CCDC144A: variants seen among roughly 807,000 people sequenced by gnomAD.
The protein encoded by CCDC144A is coiled-coil domain-containing protein 144A.
CCDC144A carries 41 observed loss-of-function variants against 143.8 expected under a neutral mutation model. The ratio of observed to expected loss-of-function variants is 0.29; its 90% CI spans 0.22 to 0.37. The LOEUF is 0.37. Among genes scored for constraint, CCDC144A ranks in the 10% least tolerant of loss-of-function variants. The pLI is 1.00. For missense variants in CCDC144A, 637 were observed against 1,488.8 expected (o/e 0.43, Z 9.41); for synonymous variants, 242 against 517.9 (o/e 0.47, Z 7.23).
At chr17:16,696,677 G>A (rs1484541457) in intron 2 of CCDC144A, among the ~76,000 whole-genome samples, 2 of 151,510 alleles carry the variant, frequency 1.3e-5, no homozygotes, top group East Asian at 3.9e-4. Flanking sequence ...AAAGAAATGA[G>A]TAGAACTTTT....
upstream of CCDC144A, among the ~76,000 whole-genome samples, chr17:16,689,010 A>G (rs1158848972): frequency 1.3e-5 from 2 of 152,138 alleles, no homozygotes; most frequent in African/African-American, 4.8e-5. Context: ...TGAGCAGCGC[A>G]GGATCTAGGC....
At chr17:16,759,687 C>T (rs1204419106) in intron 12 of CCDC144A, among the ~76,000 whole-genome samples, 1 of 152,108 alleles carries the variant, frequency 6.6e-6, no homozygotes, top group East Asian at 1.9e-4. Context: ...TGTTTTTGTG[C>T]TTATTCTTCT....
the CCDC144A span, among the ~76,000 whole-genome samples, chr17:16,668,933 C>G: frequency 2.6e-5 from 4 of 152,240 alleles, no homozygotes; most frequent in East Asian, 5.8e-4. Flanking sequence ...GGCCCTATTT[C>G]CAAATCCCAT....
At chr17:16,706,433 G>GT (rs1912064437) in intron 3 of CCDC144A, 1 of 142,670 alleles carries the variant, frequency 7.0e-6, no homozygotes, top group Admixed American at 6.9e-5. Context: ...CCTTTCCCCT[G>GT]TGTGCCCTTT....
intron 8 of CCDC144A, among the ~76,000 whole-genome samples, chr17:16,724,787 A>ATTTTTTTTTTTTTTTT (rs760344292): frequency 5.7e-5 from 2 of 35,112 alleles, no homozygotes; most frequent in African/African-American, 1.1e-4. Flanking sequence ...GATTAACTGA[A>ATTTTTTTTTTTTTTTT]TTTTTTTTTT....
At chr17:16,717,233 G>T (rs922878639) in intron 6 of CCDC144A, among the ~76,000 whole-genome samples, 9 of 151,058 alleles carry the variant, frequency 6.0e-5, no homozygotes, top group African/African-American at 2.2e-4. Flanking sequence ...TTCTGCCTCA[G>T]CCTCCCGAAT....
chr17:16,720,482 G>A (rs2656471), intron 7 of CCDC144A, 35 bp from the exon 8 acceptor site: 45 of 1,598,800 alleles, frequency 2.8e-5, no homozygotes, highest in African/African-American at 1.3e-4. Flanking sequence ...TAAATCTTTC[G>A]AGGACATTTT....
At chr17:16,731,061 ATCTC>A (rs1049676075) in intron 9 of CCDC144A, among the ~76,000 whole-genome samples, 17 of 151,944 alleles carry the variant, frequency 1.1e-4, no homozygotes, top group Admixed American at 1.1e-3. Flanking sequence ...TTTATTCCAT[ATCTC>A]TCATATGCAG....
chr17:16,715,757 G>A (rs1460308638), intron 6 of CCDC144A, among the ~76,000 whole-genome samples: 1 of 152,188 alleles, frequency 6.6e-6, no homozygotes, highest in African/African-American at 2.4e-5. Flanking sequence ...CGGGAGGAGC[G>A]GACTTGAAGC....
intron 12 of CCDC144A, among the ~76,000 whole-genome samples, chr17:16,740,028 C>T (rs1471059904): frequency 1.3e-5 from 2 of 151,988 alleles, no homozygotes; most frequent in Non-Finnish European, 2.9e-5. Context: ...CCTCTCTCTT[C>T]ATTCCCATTT....
At chr17:16,704,394 GC>G (rs1222358069) in intron 2 of CCDC144A, among the ~76,000 whole-genome samples, 2 of 152,130 alleles carry the variant, frequency 1.3e-5, no homozygotes, top group Non-Finnish European at 2.9e-5. Context: ...GGCGGAGCTT[GC>G]AGTGAGCCGA....
At chr17:16,684,214 G>T in the CCDC144A span, 1 of 930,910 alleles carries the variant, frequency 1.1e-6, no homozygotes, top group Admixed American at 1.7e-5. Context: ...TGACCCAGGG[G>T]ATGGACATTC....
the CCDC144A span, among the ~76,000 whole-genome samples, chr17:16,678,978 TC>T: frequency 1.3e-5 from 2 of 151,862 alleles, no homozygotes; most frequent in African/African-American, 4.8e-5. Flanking sequence ...GGTCTCAAAC[TC>T]CCAACGTCAG....
chr17:16,738,708 G>A (rs550964870), intron 12 of CCDC144A, among the ~76,000 whole-genome samples: 2 of 152,276 alleles, frequency 1.3e-5, no homozygotes, highest in South Asian at 2.1e-4. Context: ...GGACCTTTGG[G>A]TTGTTTCCAT....
chr17:16,717,095 TCG>T, intron 6 of CCDC144A, among the ~76,000 whole-genome samples: 2 of 127,712 alleles, frequency 1.6e-5, no homozygotes, highest in South Asian at 2.7e-4. Context: ...GCCACCGCGC[TCG>T]GCCAGCTTTT....
At chr17:16,696,024 CT>C (rs1189332153) in intron 2 of CCDC144A, among the ~76,000 whole-genome samples, 3 of 151,748 alleles carry the variant, frequency 2.0e-5, no homozygotes, top group Non-Finnish European at 4.4e-5. Flanking sequence ...TCATGACAGA[CT>C]TTTTTTTGAG....
chr17:16,754,354 T>C (rs1914971153), intron 12 of CCDC144A, among the ~76,000 whole-genome samples: 1 of 152,092 alleles, frequency 6.6e-6, no homozygotes, highest in Non-Finnish European at 1.5e-5. Context: ...GTTAGGTTGT[T>C]TATTTGAAGT....
chr17:16,712,007 G>A lies in CCDC144A; in HGVS notation c.1715+192G>A, dbSNP rs192194378. 2.2e-5 allele frequency: 17 copies of A among 786,256 alleles called. No homozygotes were observed. In the Admixed American group the frequency reaches 4.5e-4, roughly 21 times the overall value. 48.7% of individuals were successfully genotyped at this position (786,256 alleles called of 1,614,324 possible). A position where few individuals can be genotyped will look rare whatever the true frequency, so the allele number is the denominator to read the frequency against. On this transcript the variant is annotated intron_variant, in intron 6 of 16. Transcript: ENST00000399273. ...TAGCCAGATGTAGTGGTGCATGCCT[G>A]TAATCCCAGTTACTCAGGAGGCTGA...
chr17:16,680,718 A>G, the CCDC144A span, among the ~76,000 whole-genome samples: 10 of 152,016 alleles, frequency 6.6e-5, no homozygotes, highest in African/African-American at 2.4e-4. Flanking sequence ...AAACAAAAAA[A>G]AAATGTTTCA....
Sources: allele counts gnomAD v4.1 joint callset (sites outside exome capture counted in the v4.1 genomes callset), GRCh38; gene constraint gnomAD v4.1.1; transcripts MANE v1.5; gene names NCBI Gene and HGNC (gene_info 2026-07-23, HGNC 2026-07-21).